THOC6: variants seen among roughly 807,000 people sequenced by gnomAD.
THOC6 encodes THO complex subunit 6, also known as THO complex 6.
A neutral mutation model predicts 55.8 loss-of-function variants in THOC6; 39 were observed. That is an observed-to-expected ratio of 0.70 (90% CI 0.54 to 0.91). THOC6 has a LOEUF of 0.91. THOC6 is among the 40% of genes least tolerant of loss of function. The pLI, the probability that THOC6 is intolerant of heterozygous loss-of-function variation, is 0.00. For missense variants in THOC6, 482 were observed against 442.0 expected (o/e 1.09, Z -0.81); for synonymous variants, 192 against 175.6 (o/e 1.09, Z -0.74).
In THOC6 at chr16:3,027,281, G is replaced by T. The variant is rs2072821846; in HGVS notation, c.810+1G>T. On this transcript the variant is annotated splice_donor_variant, in intron 11 of 12. Transcript: ENST00000326266. LOFTEE classifies it high-confidence loss of function. ...GCACGTCACCTTCTACCAGGACCTG[G>T]TGAGGCCCTGTGTCTCACTTCTGCC... is the stretch of plus-strand genomic sequence containing the variant. 6.2e-7 allele frequency: 1 copy of T among 1,614,050 alleles called. No individual in the cohort carries two copies. The highest frequency in any genetic ancestry group is 8.5e-7 in the Non-Finnish European group (1 of 1,180,034).
At position 3,026,377 on chromosome 16, in the gene THOC6, A is replaced by G. The variant is rs376505383; in HGVS notation, c.375A>G (p.Glu125=). The part of the protein sequence containing the change: ...RRQPPYRTSL[E]VPEINALLLV... The stretch of plus-strand genomic sequence containing the variant: ...TTTCCTTCCCCAGGACCAGCCTGGA[A>G]GTGCCTGAGATCAACGCTTTGCTGC... Residue 125 remains glutamate, a synonymous_variant, in exon 6 of 13, where the codon GAA becomes GAG. Coordinates refer to ENST00000326266, the MANE Select transcript of THOC6 (RefSeq NM_024339.5). 10 of 1,614,048 alleles carry G rather than the reference A, an allele frequency of 6.2e-6. No homozygotes were observed. The highest frequency in any genetic ancestry group is 1.3e-5 in the African/African-American group (1 of 75,002).
chr16:3,026,569 T>C lies in THOC6; in HGVS notation c.465T>C (p.Leu155=). ...GGDCQLHTMD[L]ETGTFTRVLR... ...ACTGTCAGTTGCACACTATGGACCT[T>C]GAAACTGGGACTTTCACGGTGAGCA... Residue 155 remains leucine (L), a synonymous_variant, in exon 7 of 13, where the codon CTT becomes CTC. Transcript: ENST00000326266. The C allele has an allele frequency of 3.7e-6, 6 of 1,614,018 alleles. No individual in the cohort carries two copies. Among genetic ancestry groups the C allele is most frequent in the Non-Finnish European group, 5.1e-6 (6 of 1,179,974 alleles).
In THOC6 at chr16:3,025,962, G is replaced by C. The variant is rs1455090114; in HGVS notation, c.194G>C (p.Ser65Thr). 6.2e-7 allele frequency: 1 copy of C among 1,614,258 alleles called. No homozygotes were observed. The highest frequency in any genetic ancestry group is 8.5e-7 in the Non-Finnish European group (1 of 1,180,038). The change falls in exon 3 of 13, where the codon AGT becomes ACT. Residue 65 changes from serine (S) to threonine (T), a missense_variant. Physicochemically the swap from Ser to Thr is moderately conservative, Grantham distance 58. Coordinates refer to ENST00000326266, the MANE Select transcript of THOC6 (RefSeq NM_024339.5). ...TTGAGCTCAGAAGCCAAAGAGGAAA[G>C]TAAGAAGCCGGTGGTGACTTTCCAA... is the stretch of plus-strand genomic sequence containing the variant. ...SALSSEAKEESKKPVVTFQAH... is the reference protein window; with the variant it reads ...SALSSEAKEETKKPVVTFQAH...
chr16:3,025,762 G>C lies in THOC6; in HGVS notation c.94G>C (p.Val32Leu). The change falls in exon 2 of 13, where the codon GTC becomes CTC. Residue 32 changes from valine to leucine, a missense_variant. By Grantham distance (32) the Val-to-Leu change is conservative (BLOSUM62 1). Coordinates refer to ENST00000326266, the MANE Select transcript of THOC6 (RefSeq NM_024339.5). ...RLHMTIFSQS[V>L]SPCGKFLAAG... The stretch of plus-strand genomic sequence containing the variant: ...CCATATGACCATCTTCTCCCAGAGC[G>C]TCTCACCATGTGGGAAGTTTCTGGC... 3 of 1,614,216 alleles carry C rather than the reference G, an allele frequency of 1.9e-6. No homozygotes were observed. Among genetic ancestry groups the C allele is most frequent in the Non-Finnish European group, 2.5e-6 (3 of 1,180,044 alleles).
rs1161807227 is a variant in THOC6, at chr16:3,026,431, CTG to C, written c.411+20_411+21del. ...TCCCCAAGGTCTGAGCCCCATGTGACTGTTCTTGGTCCAAACTTTGATCCTTC... is the reference window on the plus strand; with the variant it reads ...TCCCCAAGGTCTGAGCCCCATGTGACTTCTTGGTCCAAACTTTGATCCTTC... On this transcript the variant is annotated intron_variant, in intron 6 of 12. Coordinates refer to ENST00000326266, the MANE Select transcript of THOC6 (RefSeq NM_024339.5). The C allele has an allele frequency of 6.2e-7, 1 of 1,614,166 alleles. No homozygotes were observed. Among genetic ancestry groups the C allele is most frequent in the Non-Finnish European group, 8.5e-7 (1 of 1,180,040 alleles).
At position 3,025,317 on chromosome 16, in the gene THOC6, A is replaced by C. The variant is rs1474113249; in HGVS notation, c.40-391A>C. Among the ~76,000 whole-genome samples, 4 of 152,156 alleles carry C rather than the reference A, an allele frequency of 2.6e-5. No homozygotes were observed. In the East Asian group the frequency reaches 5.8e-4, roughly 22 times the overall value. ...TGCTCTCAAACTCCTGGCCTCCCAG[A>C]GCGCTGGATTACAGGCATGAACCAC... On this transcript the variant is annotated intron_variant, in intron 1 of 12. Transcript: ENST00000326266.
intron 3 of THOC6, 32 bp downstream of exon 3, chr16:3,026,020 CT>C: frequency 1.2e-6 from 2 of 1,614,138 alleles, no homozygotes; most frequent in South Asian, 1.1e-5. Flanking sequence ...GGCTTCAGGA[CT>C]TTGGGTGGGA....
Position 3,027,573 on chromosome 16 carries a change from C to G in THOC6, c.946-4C>G, listed in dbSNP as rs764488795. 3 of 1,613,846 alleles carry G rather than the reference C, an allele frequency of 1.9e-6. No homozygotes were observed. The highest frequency in any genetic ancestry group is 2.2e-5 in the East Asian group (1 of 44,888). On this transcript the variant is annotated splice_region_variant and splice_polypyrimidine_tract_variant and intron_variant, in intron 12 of 12. Transcript: ENST00000326266. ...CAGGCCAGTCATGCCCCTCTTTCCT[C>G]CAGGTCCTGACAGCTGCAGGCAACA...
At position 3,025,713 on chromosome 16, in the gene THOC6, G is replaced by A; in HGVS notation, c.45G>A (p.Glu15=). ...VPLAVPLGQT[E]VFQALQRLHM... ...CATCCAGTCTTTCCCTGCAGACAGAGGTGTTCCAGGCCTTGCAGCGGCTCC... is the reference window on the plus strand; with the variant it reads ...CATCCAGTCTTTCCCTGCAGACAGAAGTGTTCCAGGCCTTGCAGCGGCTCC... Residue 15 remains glutamate (E), a synonymous_variant, in exon 2 of 13, where the codon GAG becomes GAA. Coordinates refer to ENST00000326266, the MANE Select transcript of THOC6 (RefSeq NM_024339.5). 1 of 1,613,964 alleles carries A rather than the reference G, an allele frequency of 6.2e-7. No homozygotes were observed.
In THOC6 at chr16:3,026,952, C is replaced by G. The variant is rs775231209; in HGVS notation, c.636+36C>G. ...GACCGTGGCCATTGTCCTCTTCTCC[C>G]CCAACTCCTTGAATTCTCCAGGTCT... On this transcript the variant is annotated intron_variant, in intron 9 of 12. Coordinates refer to ENST00000326266, the MANE Select transcript of THOC6 (RefSeq NM_024339.5). 31 of 1,614,078 alleles carry G rather than the reference C, an allele frequency of 1.9e-5. No homozygotes were observed. In the Admixed American group the frequency reaches 5.2e-4, roughly 27 times the overall value.
rs376877857 is a variant in THOC6 at position 3,024,344 on chromosome 16, G to C, written c.18G>C (p.Pro6=). 2 of 1,614,044 alleles carry C rather than the reference G, an allele frequency of 1.2e-6. No homozygotes were observed. The highest frequency in any genetic ancestry group is 2.7e-5 in the African/African-American group (2 of 74,934). The part of the protein sequence containing the change: MERAV[P]LAVPLGQTEV... ...TTCTGGAGATGGAGCGAGCTGTGCCGCTCGCGGTGCCTCTGGGTCAGGTGA... is the reference window on the plus strand; with the variant it reads ...TTCTGGAGATGGAGCGAGCTGTGCCCCTCGCGGTGCCTCTGGGTCAGGTGA... Residue 6 remains proline, a synonymous_variant, in exon 1 of 13, where the codon CCG becomes CCC. Coordinates refer to ENST00000326266, the MANE Select transcript of THOC6 (RefSeq NM_024339.5).
At position 3,026,591 on chromosome 16, in the gene THOC6, A is replaced by G. The variant is rs1240494469; in HGVS notation, c.483+4A>G. 1 of 1,614,010 alleles carries G rather than the reference A, an allele frequency of 6.2e-7. No homozygotes were observed. Among genetic ancestry groups the G allele is most frequent in the Non-Finnish European group, 8.5e-7 (1 of 1,179,968 alleles). The stretch of plus-strand genomic sequence containing the variant: ...CCTTGAAACTGGGACTTTCACGGTG[A>G]GCAGGGTCCTGGAGCCCTAGAGCAG... On this transcript the variant is annotated splice_donor_region_variant and intron_variant, in intron 7 of 12. Transcript: ENST00000326266.
rs2072806814 is a variant in THOC6 at position 3,026,800 on chromosome 16, G to C, written c.586+19G>C. ...CTTTGGGGTAAGCAGGTGGCTGGTT[G>C]GAGGGCAAGATGGCAGTGAAGGAGG... On this transcript the variant is annotated intron_variant, in intron 8 of 12. Coordinates refer to ENST00000326266, the MANE Select transcript of THOC6 (RefSeq NM_024339.5). The C allele has an allele frequency of 6.2e-7, 1 of 1,613,948 alleles. No homozygotes were observed. Among genetic ancestry groups the C allele is most frequent in the South Asian group, 1.1e-5 (1 of 91,054 alleles).
Position 3,026,057 on chromosome 16 carries a change from C to A in THOC6, c.221-6C>A. 6.2e-7 allele frequency: 1 copy of A among 1,613,162 alleles called. No homozygotes were observed. The highest frequency in any genetic ancestry group is 1.1e-5 in the South Asian group (1 of 91,042). On this transcript the variant is annotated splice_polypyrimidine_tract_variant and splice_region_variant and intron_variant, in intron 3 of 12. Coordinates refer to ENST00000326266, the MANE Select transcript of THOC6 (RefSeq NM_024339.5). ...TTGGCTCACTCAGTTCTGCATTTCTCTTTAGCCCATGATGGGCCCGTCTAT... is the reference window on the plus strand; with the variant it reads ...TTGGCTCACTCAGTTCTGCATTTCTATTTAGCCCATGATGGGCCCGTCTAT...
intron 1 of THOC6, among the ~76,000 whole-genome samples, chr16:3,024,598 C>CTTT: frequency 1.6e-5 from 2 of 124,046 alleles, no homozygotes; most frequent in Non-Finnish European, 3.5e-5. Flanking sequence ...AGTAGAGGTA[C>CTTT]TTTTTTTTTT....
rs1399132677 is a variant in THOC6, at chr16:3,027,171, T to C, written c.701T>C (p.Val234Ala). Residue 234 changes from valine (V) to alanine (A), a missense_variant and splice_region_variant, in exon 11 of 13, where the codon GTC becomes GCC. Transcript: ENST00000326266. The stretch of plus-strand genomic sequence containing the variant: ...GGGGACTCCCACCTTTCTGTCCAGG[T>C]CTGTGGAGGGGGCCCAGCCCTCACC... ...GCLATDSDWM[V>A]CGGGPALTLW... 6.2e-7 allele frequency: 1 copy of C among 1,614,108 alleles called. No individual in the cohort carries two copies. The highest frequency in any genetic ancestry group is 8.5e-7 in the Non-Finnish European group (1 of 1,180,020).
At position 3,027,405 on chromosome 16, in the gene THOC6, C is replaced by G; in HGVS notation, c.850C>G (p.Gln284Glu). ...CCAGGGCCGCTGCGTCAACCAGTGG[C>G]AGCTGAGCGGGGAGCTGAAGGCCCA... is the stretch of plus-strand genomic sequence containing the variant. ...AGQGRCVNQW[Q>E]LSGELKAQVP... The change falls in exon 12 of 13, where the codon CAG (glutamine) becomes GAG (glutamate). Residue 284 changes from glutamine to glutamate, a missense_variant. By Grantham distance (29) the Gln-to-Glu change is conservative. Transcript: ENST00000326266. 2.5e-6 allele frequency: 4 copies of G among 1,612,532 alleles called. No individual in the cohort carries two copies. Among genetic ancestry groups the G allele is most frequent in the Non-Finnish European group, 3.4e-6 (4 of 1,179,550 alleles).
chr16:3,024,993 A>G (rs1204017794), intron 1 of THOC6, among the ~76,000 whole-genome samples: 5 of 124,786 alleles, frequency 4.0e-5, no homozygotes, highest in African/African-American at 1.6e-4. Context: ...CCCAAGCTGG[A>G]GTGCAGTGGC....
At chr16:3,026,475 G>A (rs1175522296) in intron 6 of THOC6, 41 bp from the exon 7 acceptor site, 1 of 1,613,974 alleles carries the variant, frequency 6.2e-7, no homozygotes, top group Non-Finnish European at 8.5e-7. Context: ...TGCCTATCCT[G>A]ATTTGACATT....
Sources: allele counts gnomAD v4.1 joint callset (sites outside exome capture counted in the v4.1 genomes callset), GRCh38; gene constraint gnomAD v4.1.1; transcripts MANE v1.5; gene names NCBI Gene and HGNC (gene_info 2026-07-23, HGNC 2026-07-21).